Variants in TACC1 observed in about 807,000 individuals in gnomAD.
TACC1 encodes transforming acidic coiled-coil-containing protein 1.
A neutral mutation model predicts 84.4 loss-of-function variants in TACC1; 48 were observed. That is an observed-to-expected ratio of 0.57 (90% CI 0.45 to 0.72). TACC1 has a LOEUF of 0.72. Among genes scored for constraint, TACC1 ranks in the 30% least tolerant of loss-of-function variants. The pLI, the probability that TACC1 is intolerant of heterozygous loss-of-function variation, is 0.00. For synonymous variants in TACC1, 372 were observed against 376.3 expected, an observed-to-expected ratio of 0.99 and a Z score of 0.13; for missense variants, 920 against 973.0, an observed-to-expected ratio of 0.95 and a Z score of 0.72.
chr8:38,843,300 C>A lies in TACC1; in HGVS notation c.2133C>A (p.Ala711=). ...TTGCTTTGGAACAGAATGAAGAAGC[C>A]TTGAAGAAATGTGCTCAGGATTACT... ...VLEGFKKNEE[A]LKKCAQDYLA... The change falls in exon 11 of 13, where the codon GCC becomes GCA. Residue 711 remains alanine (A), a synonymous_variant. Transcript: ENST00000317827. The A allele has an allele frequency of 6.3e-7, 1 of 1,592,462 alleles. No homozygotes were observed. The highest frequency in any genetic ancestry group is 8.5e-7 in the Non-Finnish European group (1 of 1,170,178).
upstream of TACC1, among the ~76,000 whole-genome samples, chr8:38,783,089 T>C (rs901820810): frequency 9.0e-5 from 10 of 110,924 alleles, no homozygotes; most frequent in African/African-American, 2.4e-4. Flanking sequence ...TATCTATCTA[T>C]CTATCTATCT....
chr8:38,759,313 T>C (rs1810747884), intron 3 of TACC1, among the ~76,000 whole-genome samples: 1 of 152,252 alleles, frequency 6.6e-6, no homozygotes, highest in Non-Finnish European at 1.5e-5. Context: ...AGTTATAGTT[T>C]ATCTCTGAGC....
chr8:38,746,009 G>T (rs1808024631), intron 3 of TACC1, among the ~76,000 whole-genome samples: 1 of 152,072 alleles, frequency 6.6e-6, no homozygotes, highest in Admixed American at 6.6e-5. Context: ...TAGACATGGG[G>T]TCTTGCTATG....
chr8:38,843,226 GAT>G lies in TACC1; in HGVS notation c.2122-60_2122-59del, dbSNP rs1406504274. The G allele has an allele frequency of 1.9e-5, 21 of 1,117,854 alleles. No homozygotes were observed. In the African/African-American group the frequency reaches 2.7e-4, roughly 14 times the overall value. The allele number at this position is 1,117,854 out of a possible 1,614,324, so 69.2% of individuals were successfully genotyped here. A position where few individuals can be genotyped will look rare whatever the true frequency, so the allele number is the denominator to read the frequency against. ...CCATTCTTTAAAAAATGAAAACTCT[GAT>G]ATGTGGTAGATTAGAAGAAACAAAA... On this transcript the variant is annotated intron_variant, in intron 10 of 12. Transcript: ENST00000317827.
intron 5 of TACC1, 110 bp downstream of exon 5, chr8:38,827,485 G>A: frequency 8.8e-7 from 1 of 1,140,544 alleles, no homozygotes; most frequent in Non-Finnish European, 1.3e-6. Context: ...TCACTTGAAG[G>A]ATAGATTTAG....
In TACC1 at chr8:38,851,750, A is replaced by G. The variant is rs1833114560; in HGVS notation, c.*3727A>G. On this transcript the variant is annotated 3_prime_UTR_variant, in exon 13 of 13. Coordinates refer to ENST00000317827, the MANE Select transcript of TACC1 (RefSeq NM_006283.3). ...AGGTTTTGAAAGATTACATGATTCA[A>G]GCGAGGGATTTTAAAGTAAAGATGT... 3.0e-6 allele frequency: 1 copy of G among 335,074 alleles called. No individual in the cohort carries two copies. 20.8% of individuals were successfully genotyped at this position (335,074 alleles called of 1,614,324 possible).
At chr8:38,746,352 G>A (rs1808093193) in intron 3 of TACC1, among the ~76,000 whole-genome samples, 1 of 152,154 alleles carries the variant, frequency 6.6e-6, no homozygotes, top group Admixed American at 6.5e-5. Context: ...ACTTAGATGT[G>A]CCTTGGAGTG....
intron 3 of TACC1, among the ~76,000 whole-genome samples, chr8:38,751,453 C>G (rs979050680): frequency 3.3e-5 from 5 of 152,212 alleles, no homozygotes; most frequent in African/African-American, 7.2e-5. Flanking sequence ...TTTGCTTCAT[C>G]TTGCTCATTT....
At chr8:38,756,227 A>G (rs1159954215) in intron 3 of TACC1, among the ~76,000 whole-genome samples, 1 of 152,068 alleles carries the variant, frequency 6.6e-6, no homozygotes, top group East Asian at 1.9e-4. Flanking sequence ...GCCTGCATCC[A>G]TCACCAATTG....
intron 3 of TACC1, among the ~76,000 whole-genome samples, chr8:38,771,594 G>T (rs1432155420): frequency 6.6e-6 from 1 of 152,190 alleles, no homozygotes; most frequent in African/African-American, 2.4e-5. Context: ...GACTGAGAAA[G>T]AAAACAATGA....
upstream of TACC1, among the ~76,000 whole-genome samples, chr8:38,786,629 C>T (rs1407814432): frequency 6.6e-6 from 1 of 152,096 alleles, no homozygotes; most frequent in Non-Finnish European, 1.5e-5. Flanking sequence ...AAGACCTGGG[C>T]ACTTGGGAAG....
At chr8:38,831,279 G>A in intron 6 of TACC1, 102 bp downstream of exon 6, 1 of 1,181,546 alleles carries the variant, frequency 8.5e-7, no homozygotes, top group South Asian at 1.3e-5. Flanking sequence ...GTTAGGTGAT[G>A]AGGATAAAAT....
At chr8:38,738,523 G>A (rs1024733135) in intron 1 of TACC1, among the ~76,000 whole-genome samples, 1 of 152,294 alleles carries the variant, frequency 6.6e-6, no homozygotes, top group Non-Finnish European at 1.5e-5. Flanking sequence ...AATACTTTGA[G>A]TTGTAATCAA....
chr8:38,802,005 C>T, intron 2 of TACC1, among the ~76,000 whole-genome samples: 1 of 152,170 alleles, frequency 6.6e-6, no homozygotes, highest in Non-Finnish European at 1.5e-5. Context: ...CCTCAACCTC[C>T]CAGGCTTAGA....
intron 8 of TACC1, among the ~76,000 whole-genome samples, chr8:38,839,008 C>T (rs1485888517): frequency 6.6e-6 from 1 of 151,804 alleles, no homozygotes; most frequent in Non-Finnish European, 1.5e-5. Context: ...CTGATCCTCT[C>T]CCCTCTGCCT....
At chr8:38,760,876 T>G (rs1442642517) in intron 3 of TACC1, among the ~76,000 whole-genome samples, 2 of 152,160 alleles carry the variant, frequency 1.3e-5, no homozygotes, top group Admixed American at 6.6e-5. Context: ...CAGCACTTAG[T>G]GAGTGTGCAA....
chr8:38,777,502 C>T (rs1815065030), intron 3 of TACC1, among the ~76,000 whole-genome samples: 1 of 152,142 alleles, frequency 6.6e-6, no homozygotes, highest in Admixed American at 6.5e-5. Context: ...GGCCCAGGGG[C>T]CAGGCACAAT....
At chr8:38,812,113 G>A (rs191456837) in intron 2 of TACC1, among the ~76,000 whole-genome samples, 11 of 152,102 alleles carry the variant, frequency 7.2e-5, no homozygotes, top group African/African-American at 2.2e-4. Flanking sequence ...TGGTCAGACC[G>A]GTTCTCTGCT....
At chr8:38,738,687 G>A (rs1554624042) in intron 1 of TACC1, among the ~76,000 whole-genome samples, 1 of 150,464 alleles carries the variant, frequency 6.6e-6, no homozygotes, top group East Asian at 1.9e-4. Flanking sequence ...TTAACCTTCT[G>A]GTTCTACAAG....
Sources: allele counts gnomAD v4.1 joint callset (sites outside exome capture counted in the v4.1 genomes callset), GRCh38; gene constraint gnomAD v4.1.1; transcripts MANE v1.5; gene names NCBI Gene and HGNC (gene_info 2026-07-23, HGNC 2026-07-21).